Variants in PDE1A observed in about 807,000 individuals in gnomAD.
The protein encoded by PDE1A is phosphodiesterase 1A.
In PDE1A, 35 loss-of-function variants were observed where a neutral mutation model predicts 61.7. The observed-to-expected ratio is 0.57, with a 90% CI of 0.43 to 0.75. The LOEUF (loss-of-function observed/expected upper bound fraction) is 0.75. PDE1A is among the 30% of genes least tolerant of loss of function. The pLI is 0.00. For synonymous variants in PDE1A, 232 were observed against 213.2 expected (o/e 1.09, Z -0.77); for missense variants, 597 against 630.6 (o/e 0.95, Z 0.57).
At chr2:182,410,182 TTTCTACAATTTAAAAA>T (rs1307215657) in intron 1 of PDE1A, among the ~76,000 whole-genome samples, 1 of 151,966 alleles carries the variant, frequency 6.6e-6, no homozygotes. Flanking sequence ...TGGGACCCTG[TTTCTACAATTTAAAAA>T]AGAAAAATTT....
the PDE1A span, among the ~76,000 whole-genome samples, chr2:182,596,338 G>A: frequency 6.6e-6 from 1 of 152,184 alleles, no homozygotes; most frequent in Non-Finnish European, 1.5e-5. Context: ...GATCAAGACA[G>A]TGTTCAGGGC....
At chr2:182,191,598 AGCTGTATCTTTT>A (rs1209622482) in intron 10 of PDE1A, among the ~76,000 whole-genome samples, 1 of 151,254 alleles carries the variant, frequency 6.6e-6, no homozygotes, top group Non-Finnish European at 1.5e-5. Flanking sequence ...AGATACAGTC[AGCTGTATCTTTT>A]GCAATTAAAA....
At chr2:182,658,006 G>A in the PDE1A span, among the ~76,000 whole-genome samples, 2,380 of 127,610 alleles carry the variant, frequency 0.019, 32 homozygotes, top group East Asian at 0.1. Flanking sequence ...ATGACATAAT[G>A]TGTGTATCGC....
the PDE1A span, among the ~76,000 whole-genome samples, chr2:182,552,684 G>A: frequency 6.6e-6 from 1 of 151,986 alleles, no homozygotes; most frequent in Admixed American, 6.6e-5. Context: ...AAAAACAGGA[G>A]GTAAAGAAAT....
chr2:182,350,034 G>T (rs1416783112), intron 1 of PDE1A, among the ~76,000 whole-genome samples: 1 of 152,110 alleles, frequency 6.6e-6, no homozygotes, highest in African/African-American at 2.4e-5. Flanking sequence ...GACACTGAAA[G>T]TTCCATTTAT....
At chr2:182,614,553 C>CTTTTTTTTTT in the PDE1A span, among the ~76,000 whole-genome samples, 1 of 112,616 alleles carries the variant, frequency 8.9e-6, no homozygotes, top group Non-Finnish European at 1.8e-5. Flanking sequence ...ACTAGCATAT[C>CTTTTTTTTTT]TTTTTTTTTT....
chr2:182,674,702 A>T, the PDE1A span, among the ~76,000 whole-genome samples: 3 of 152,122 alleles, frequency 2.0e-5, no homozygotes, highest in Admixed American at 2.0e-4. Context: ...GGTAGATTCA[A>T]AGTCATGTGC....
At chr2:182,605,236 T>C in the PDE1A span, among the ~76,000 whole-genome samples, 1 of 152,188 alleles carries the variant, frequency 6.6e-6, no homozygotes, top group African/African-American at 2.4e-5. Flanking sequence ...CCAACCTATC[T>C]GTGGTACTAC....
chr2:182,517,966 A>G (rs1455159840), intron 2 of PDE1A, among the ~76,000 whole-genome samples: 1 of 152,210 alleles, frequency 6.6e-6, no homozygotes, highest in Admixed American at 6.5e-5. Context: ...AAATGAGCAC[A>G]GGAAAAGGGG....
At chr2:182,411,000 TA>T (rs1702577731) in intron 1 of PDE1A, among the ~76,000 whole-genome samples, 1 of 152,252 alleles carries the variant, frequency 6.6e-6, no homozygotes, top group South Asian at 2.1e-4. Flanking sequence ...AACTTTTTAC[TA>T]AGGTGTAACA....
At chr2:182,285,637 A>T (rs1242210670) in intron 1 of PDE1A, among the ~76,000 whole-genome samples, 1 of 152,140 alleles carries the variant, frequency 6.6e-6, no homozygotes, top group Non-Finnish European at 1.5e-5. Context: ...GCCAATGGAA[A>T]GTCAGCATCT....
the PDE1A span, among the ~76,000 whole-genome samples, chr2:182,560,697 C>T: frequency 6.6e-6 from 1 of 152,108 alleles, no homozygotes; most frequent in Non-Finnish European, 1.5e-5. Context: ...AAAAGTGTTC[C>T]TATTTCTCCA....
At chr2:182,638,261 G>A in the PDE1A span, among the ~76,000 whole-genome samples, 10 of 152,118 alleles carry the variant, frequency 6.6e-5, no homozygotes, top group South Asian at 2.1e-4. Context: ...GCATACAGTC[G>A]GGTGCAGTGG....
At chr2:182,187,843 C>G (rs781059126) in intron 11 of PDE1A, among the ~76,000 whole-genome samples, 2 of 139,836 alleles carry the variant, frequency 1.4e-5, no homozygotes, top group Non-Finnish European at 3.0e-5. Context: ...CTCCTGGGTT[C>G]AAGTGATTCT....
chr2:182,477,617 T>C (rs1358634663), intron 2 of PDE1A, among the ~76,000 whole-genome samples: 1 of 151,942 alleles, frequency 6.6e-6, no homozygotes, highest in East Asian at 1.9e-4. Context: ...GGTTGAAGGT[T>C]AACTGGCATT....
the PDE1A span, among the ~76,000 whole-genome samples, chr2:182,552,356 T>C: frequency 6.6e-6 from 1 of 152,040 alleles, no homozygotes; most frequent in African/African-American, 2.4e-5. Context: ...AGCATTCAGC[T>C]AGTCATCCAA....
chr2:182,264,893 G>GTA (rs1692517676), intron 1 of PDE1A, among the ~76,000 whole-genome samples: 2 of 37,500 alleles, frequency 5.3e-5, no homozygotes, highest in African/African-American at 1.5e-4. Context: ...ATATATATAT[G>GTA]TATATATATA....
At chr2:182,666,950 T>C in the PDE1A span, among the ~76,000 whole-genome samples, 15,342 of 152,184 alleles carry the variant, frequency 0.1, 926 homozygotes, top group Middle Eastern at 0.27. Flanking sequence ...CAGTGCACAG[T>C]CCTGCTAGTA....
At chr2:182,673,983 T>C in the PDE1A span, among the ~76,000 whole-genome samples, 1 of 125,952 alleles carries the variant, frequency 7.9e-6, no homozygotes, top group African/African-American at 3.1e-5. Context: ...ATAGGTAATA[T>C]AACTTCATAT....
Sources: allele counts gnomAD v4.1 joint callset (sites outside exome capture counted in the v4.1 genomes callset), GRCh38; gene constraint gnomAD v4.1.1; transcripts MANE v1.5; gene names NCBI Gene and HGNC (gene_info 2026-07-23, HGNC 2026-07-21).